Variants in UBE2V2 observed in about 807,000 individuals in gnomAD.
The protein encoded by UBE2V2 is ubiquitin-conjugating enzyme E2 variant 2.
Under a neutral mutation model 17.2 loss-of-function variants are expected in UBE2V2, and 9 were observed. The ratio of observed to expected loss-of-function variants is 0.52; its 90% CI spans 0.32 to 0.91. The LOEUF is 0.91. UBE2V2 is among the 40% of genes least tolerant of loss of function. UBE2V2 has a pLI of 0.04. For synonymous variants in UBE2V2, 61 were observed against 57.5 expected, an observed-to-expected ratio of 1.06 and a Z score of -0.28; for missense variants, 133 against 182.6, an observed-to-expected ratio of 0.73 and a Z score of 1.56.
intron 2 of UBE2V2, among the ~76,000 whole-genome samples, chr8:48,047,835 C>A (rs1563858502): frequency 1.3e-5 from 2 of 152,130 alleles, no homozygotes; most frequent in Non-Finnish European, 1.5e-5. Context: ...AGGCATGAGC[C>A]ACCACACCCA....
chr8:48,062,599 A>G lies in UBE2V2; in HGVS notation c.*1771A>G, dbSNP rs1479585234. The G allele has an allele frequency of 6.6e-6, 1 of 152,024 alleles. No homozygotes were observed. The highest frequency in any genetic ancestry group is 1.5e-5 in the Non-Finnish European group (1 of 68,026). The allele number at this position is 152,024 out of a possible 1,614,324, so 9.4% of individuals were successfully genotyped here. A position where few individuals can be genotyped will look rare whatever the true frequency, so the allele number is the denominator to read the frequency against. ...CAAGACTCCATCTCAAAAAAAAAAA[A>G]AAAAAGAAAAATATTAATAATTGAC... On this transcript the variant is annotated 3_prime_UTR_variant, in exon 4 of 4. Transcript: ENST00000523111.
chr8:48,047,161 G>A (rs1352813362), intron 2 of UBE2V2, among the ~76,000 whole-genome samples: 3 of 151,614 alleles, frequency 2.0e-5, no homozygotes, highest in Non-Finnish European at 4.4e-5. Context: ...AGCTGGTCTC[G>A]AACTCCCAAC....
chr8:48,038,539 CACAATCTTGGCTCACT>C (rs1386391932), intron 1 of UBE2V2, among the ~76,000 whole-genome samples: 4 of 151,374 alleles, frequency 2.6e-5, no homozygotes, highest in Non-Finnish European at 5.9e-5. Context: ...AGTGCAGTGG[CACAATCTTGGCTCACT>C]ACAACCTCTG....
At chr8:48,032,148 A>G (rs1262322456) in intron 1 of UBE2V2, among the ~76,000 whole-genome samples, 1 of 152,204 alleles carries the variant, frequency 6.6e-6, no homozygotes, top group Non-Finnish European at 1.5e-5. Flanking sequence ...AGGTGAATAT[A>G]TAATAGATTT....
chr8:48,034,128 C>CTTTTTTTT (rs895844431), intron 1 of UBE2V2, among the ~76,000 whole-genome samples: 12 of 136,302 alleles, frequency 8.8e-5, no homozygotes, highest in South Asian at 2.3e-4. Flanking sequence ...TTTTCTTTTC[C>CTTTTTTTT]TTTTTTTTTT....
At chr8:48,046,276 G>A (rs1273373554) in intron 2 of UBE2V2, among the ~76,000 whole-genome samples, 2 of 152,100 alleles carry the variant, frequency 1.3e-5, no homozygotes, top group African/African-American at 2.4e-5. Flanking sequence ...CTGTCACCAC[G>A]CCCTGCTGAT....
chr8:48,014,445 AC>A (rs2154506743), intron 1 of UBE2V2, among the ~76,000 whole-genome samples: 1 of 151,200 alleles, frequency 6.6e-6, no homozygotes, highest in African/African-American at 2.4e-5. Flanking sequence ...GAGATGGGAG[AC>A]CATCCTGGCT....
intron 3 of UBE2V2, among the ~76,000 whole-genome samples, chr8:48,055,475 A>G (rs1403740410): frequency 2.6e-5 from 4 of 152,088 alleles, no homozygotes; most frequent in African/African-American, 4.8e-5. Flanking sequence ...TGCTGGGATT[A>G]CAAGTGTGAG....
intron 1 of UBE2V2, among the ~76,000 whole-genome samples, chr8:48,023,390 A>G (rs945909898): frequency 6.6e-5 from 10 of 151,386 alleles, no homozygotes; most frequent in Admixed American, 6.6e-5. Flanking sequence ...TGATTTTTGT[A>G]TTTTTAGTAG....
chr8:48,036,219 T>C (rs2091424174), intron 1 of UBE2V2, among the ~76,000 whole-genome samples: 3 of 151,538 alleles, frequency 2.0e-5, no homozygotes, highest in East Asian at 2.0e-4. Flanking sequence ...CCTCCCAAAG[T>C]GTTAAGATTA....
intron 3 of UBE2V2, among the ~76,000 whole-genome samples, chr8:48,054,268 G>C (rs891167709): frequency 1.3e-5 from 2 of 152,254 alleles, no homozygotes; most frequent in Non-Finnish European, 2.9e-5. Context: ...GCTGCTCTCG[G>C]GAATACATCT....
the UBE2V2 span, among the ~76,000 whole-genome samples, chr8:48,001,462 T>C: frequency 2.8e-4 from 42 of 152,070 alleles, no homozygotes; most frequent in Non-Finnish European, 7.4e-5. Context: ...TAGCCAGACA[T>C]TGTGGCATGT....
At chr8:48,008,673 G>A (rs931825144) in intron 1 of UBE2V2, 5 of 572,198 alleles carry the variant, frequency 8.7e-6, no homozygotes, top group Admixed American at 5.4e-5. Context: ...GGTCGTGCTC[G>A]CGCGTCGGCC....
chr8:48,041,355 G>A (rs1399348214), intron 1 of UBE2V2, among the ~76,000 whole-genome samples: 1 of 151,930 alleles, frequency 6.6e-6, no homozygotes, highest in Admixed American at 6.6e-5. Context: ...GGTGTTGCAC[G>A]CCTGTAATCC....
intron 1 of UBE2V2, among the ~76,000 whole-genome samples, chr8:48,012,241 C>T (rs150842719): frequency 3.9e-5 from 6 of 152,252 alleles, no homozygotes; most frequent in African/African-American, 7.2e-5. Context: ...GAAAGGGGAA[C>T]GTAGCCCTCA....
In UBE2V2 at chr8:48,062,340, C is replaced by T. The variant is rs1326643622; in HGVS notation, c.*1512C>T. On this transcript the variant is annotated 3_prime_UTR_variant, in exon 4 of 4. Coordinates refer to ENST00000523111, the MANE Select transcript of UBE2V2 (RefSeq NM_003350.3). Reference sequence around the variant, plus strand: ...CATGTGGTGGCTCATGCCGCTAATCCCAGCACTTTGGGAGGCTGAGACGGG... The same window carrying T: ...CATGTGGTGGCTCATGCCGCTAATCTCAGCACTTTGGGAGGCTGAGACGGG... The T allele has an allele frequency of 3.3e-5, 5 of 152,074 alleles. No individual in the cohort carries two copies. Among genetic ancestry groups the T allele is most frequent in the Admixed American group, 2.0e-4 (3 of 15,252 alleles). 9.4% of individuals were successfully genotyped at this position (152,074 alleles called of 1,614,324 possible). A position where few individuals can be genotyped will look rare whatever the true frequency, so the allele number is the denominator to read the frequency against.
In UBE2V2 at chr8:48,061,335, T is replaced by C. The variant is rs1802588975; in HGVS notation, c.*507T>C. Reference sequence around the variant, plus strand: ...TATCAAAAATATGTTCAGGATTGTTTTGATACCTGTATTTATAATAAAAAA... The same window carrying C: ...TATCAAAAATATGTTCAGGATTGTTCTGATACCTGTATTTATAATAAAAAA... On this transcript the variant is annotated 3_prime_UTR_variant, in exon 4 of 4. Transcript: ENST00000523111. 1 of 152,620 alleles carries C rather than the reference T, an allele frequency of 6.6e-6. No homozygotes were observed. The highest frequency in any genetic ancestry group is 6.5e-5 in the Admixed American group (1 of 15,278). The allele number at this position is 152,620 out of a possible 1,614,324, so 9.5% of individuals were successfully genotyped here.
At chr8:47,997,773 G>A in the UBE2V2 span, among the ~76,000 whole-genome samples, 1 of 151,892 alleles carries the variant, frequency 6.6e-6, no homozygotes, top group African/African-American at 2.4e-5. Flanking sequence ...GAGACGGGGA[G>A]GACTCAGAGT....
At chr8:48,053,871 C>A (rs1464391867) in intron 3 of UBE2V2, among the ~76,000 whole-genome samples, 1 of 149,618 alleles carries the variant, frequency 6.7e-6, no homozygotes, top group African/African-American at 2.5e-5. Flanking sequence ...ATGGCATGAT[C>A]TCAGCTCACT....
Sources: allele counts gnomAD v4.1 joint callset (sites outside exome capture counted in the v4.1 genomes callset), GRCh38; gene constraint gnomAD v4.1.1; transcripts MANE v1.5; gene names NCBI Gene and HGNC (gene_info 2026-07-23, HGNC 2026-07-21).